The following STK26 variants were observed in gnomAD, a reference collection of about 807,000 sequenced individuals.
The protein encoded by STK26 is serine/threonine kinase 26.
Under a neutral mutation model 34.7 loss-of-function variants are expected in STK26, and 14 were observed. The observed-to-expected ratio is 0.40, with a 90% CI of 0.27 to 0.63. The LOEUF (loss-of-function observed/expected upper bound fraction) is 0.63, where lower values mean the gene tolerates loss of function less well. Ranked by LOEUF, STK26 falls within the 30% of genes least tolerant of loss-of-function variation. STK26 has a pLI of 0.38. For missense variants in STK26, 226 were observed against 309.1 expected (o/e 0.73, Z 2.02); for synonymous variants, 100 against 109.8 (o/e 0.91, Z 0.56).
In STK26 at chrX:132,073,042, G is replaced by A. The variant is rs141969228; in HGVS notation, c.1175G>A (p.Cys392Tyr). The A allele has an allele frequency of 1.5e-4, 176 of 1,207,389 alleles. No homozygotes were observed. In the East Asian group the frequency reaches 4.8e-3, roughly 33 times the overall value. ...EKSIAVAEAA[C>Y]PGITDKMVKK... is the part of the protein sequence containing the mutation. ...AGTATTGCTGTGGCTGAAGCCGCCT[G>A]TCCCGGCATCACAGATAAAATGGTG... Residue 392 changes from cysteine (C) to tyrosine (Y), a missense_variant, in exon 11 of 12, where the codon TGT becomes TAT. By Grantham distance (194) the Cys-to-Tyr change is radical (BLOSUM62 -2). Around this residue, in one of 2 missense-constraint regions of STK26, gnomAD observed 126 missense variants for 132.4 expected, o/e 0.95. Coordinates refer to ENST00000394334, the MANE Select transcript of STK26 (RefSeq NM_016542.4).
At chrX:132,045,135 C>G (rs1926454575) in intron 2 of STK26, among the ~76,000 whole-genome samples, 1 of 109,238 alleles carries the variant, frequency 9.2e-6, no homozygotes, top group African/African-American at 3.3e-5. Context: ...GATGAGAAAT[C>G]AGTCTGGACA....
intron 3 of STK26, among the ~76,000 whole-genome samples, chrX:132,061,387 C>T (rs1466495223): frequency 1.8e-5 from 2 of 111,808 alleles, no homozygotes; most frequent in African/African-American, 3.3e-5. Context: ...TACACAAATA[C>T]AAGTTATATG....
intron 2 of STK26, among the ~76,000 whole-genome samples, chrX:132,032,903 G>A (rs1224559363): frequency 4.5e-5 from 5 of 111,283 alleles, no homozygotes; most frequent in Admixed American, 9.6e-5. Context: ...TTGGCAGGTG[G>A]AGGAAATACT....
At chrX:132,034,588 C>G (rs762186224) in intron 2 of STK26, among the ~76,000 whole-genome samples, 1 of 111,363 alleles carries the variant, frequency 9.0e-6, no homozygotes, top group South Asian at 3.7e-4. Flanking sequence ...GCCACCGCGC[C>G]CGGCCAGGAG....
At chrX:132,069,688 T>C (rs778949392) in intron 7 of STK26, 25 bp downstream of exon 7, 10 of 980,341 alleles carry the variant, frequency 1.0e-5, no homozygotes, top group Middle Eastern at 6.9e-4. Flanking sequence ...CTATTATTAC[T>C]ATTTGTTTTC....
chrX:132,039,358 G>A (rs1441892300), intron 2 of STK26, among the ~76,000 whole-genome samples: 1 of 111,527 alleles, frequency 9.0e-6, no homozygotes, highest in Non-Finnish European at 1.9e-5. Context: ...TTCTTTTCCT[G>A]ATAGGACACT....
chrX:132,073,613 G>A (rs775314224), intron 11 of STK26, among the ~76,000 whole-genome samples: 4 of 111,746 alleles, frequency 3.6e-5, no homozygotes, highest in Non-Finnish European at 5.6e-5. Flanking sequence ...GATTTTGTTC[G>A]CATTCAAAAA....
chrX:132,060,624 C>CT (rs1301669892), intron 3 of STK26, among the ~76,000 whole-genome samples: 54 of 102,287 alleles, frequency 5.3e-4, no homozygotes, highest in Admixed American at 1.7e-3. Flanking sequence ...TTTTGTTTTG[C>CT]TTTTTTTTTG....
rs1244573102 is a variant in STK26, at chrX:132,069,540, C to T, written c.660C>T (p.Ser220=). ...TAGCCAAGGGAGAGCCACCTAACTC[C>T]GATATGCATCCAATGAGAGTTCTGT... The part of the protein sequence containing the change: ...IELAKGEPPN[S]DMHPMRVLFL... Residue 220 remains serine (S), a synonymous_variant, in exon 7 of 12, where the codon TCC becomes TCT. Coordinates refer to ENST00000394334, the MANE Select transcript of STK26 (RefSeq NM_016542.4). 3.4e-6 allele frequency: 4 copies of T among 1,175,888 alleles called. No homozygotes were observed. Among genetic ancestry groups the T allele is most frequent in the East Asian group, 3.1e-5 (1 of 32,291 alleles).
chrX:132,043,408 G>T lies in STK26; in HGVS notation c.43-11223G>T, dbSNP rs1301235778. On this transcript the variant is annotated intron_variant, in intron 2 of 11. Transcript: ENST00000394334. ...TTAAATAATGGCCTGAATAAATTAG[G>T]ATACCTGTTTTATCATTCATGTATT... Among the ~76,000 whole-genome samples the T allele has an allele frequency of 1.3e-4, 14 of 111,300 alleles. No individual in the cohort carries two copies. In the Admixed American group the frequency reaches 1.3e-3, roughly 11 times the overall value.
At chrX:132,029,265 G>A (rs1338815674) in intron 2 of STK26, among the ~76,000 whole-genome samples, 1 of 111,935 alleles carries the variant, frequency 8.9e-6, no homozygotes, top group Non-Finnish European at 1.9e-5. Flanking sequence ...ATTGAACATT[G>A]TGATATTGTA....
intron 3 of STK26, among the ~76,000 whole-genome samples, chrX:132,057,068 A>G (rs970649547): frequency 2.7e-5 from 3 of 112,092 alleles, no homozygotes; most frequent in African/African-American, 9.7e-5. Flanking sequence ...CAGTGGCTCC[A>G]ATGTCTGAGG....
intron 2 of STK26, among the ~76,000 whole-genome samples, chrX:132,053,427 A>T (rs1259240563): frequency 8.9e-6 from 1 of 112,005 alleles, no homozygotes; most frequent in African/African-American, 3.2e-5. Flanking sequence ...GGTTTACTGG[A>T]GTAGTAGTGT....
At chrX:132,042,813 A>G (rs1362042163) in intron 2 of STK26, among the ~76,000 whole-genome samples, 2 of 111,374 alleles carry the variant, frequency 1.8e-5, no homozygotes, top group Non-Finnish European at 3.8e-5. Context: ...CATCAGTATC[A>G]TTTTCTTTTG....
In STK26 at chrX:132,069,410, CATATATATATATATATATATAT is replaced by C. The variant is rs57609807; in HGVS notation, c.598-47_598-26del. On this transcript the variant is annotated intron_variant, in intron 6 of 11. Transcript: ENST00000394334. ...TTTCAAGGTGATATACATACATACA[CATATATATATATATATATATAT>C]ATATATATATATATATATATTATTT... 580 of 93,477 alleles carry C rather than the reference CATATATATATATATATATATAT, an allele frequency of 6.2e-3. 40 individuals carry two copies. Among genetic ancestry groups the C allele is most frequent in the African/African-American group, 0.019 (289 of 15,511 alleles). 7.7% of individuals were successfully genotyped at this position (93,477 alleles called of 1,213,427 possible).
chrX:132,035,617 T>C (rs1357808071), intron 2 of STK26, among the ~76,000 whole-genome samples: 1 of 109,875 alleles, frequency 9.1e-6, no homozygotes, highest in Non-Finnish European at 1.9e-5. Context: ...TCATTAATGC[T>C]TTTATCTTCA....
At chrX:132,042,529 T>C (rs1203299263) in intron 2 of STK26, among the ~76,000 whole-genome samples, 3 of 111,375 alleles carry the variant, frequency 2.7e-5, no homozygotes, top group African/African-American at 9.8e-5. Context: ...CACACACACA[T>C]ACTTACCATT....
chrX:132,041,449 A>G (rs1297294644), intron 2 of STK26, among the ~76,000 whole-genome samples: 1 of 111,967 alleles, frequency 8.9e-6, no homozygotes, highest in Non-Finnish European at 1.9e-5. Flanking sequence ...GGGTTGTAAA[A>G]TGATAGGGTA....
intron 7 of STK26, among the ~76,000 whole-genome samples, chrX:132,070,036 G>T (rs2124193479): frequency 9.1e-6 from 1 of 110,118 alleles, no homozygotes; most frequent in East Asian, 2.9e-4. Flanking sequence ...TTATATTTGG[G>T]TTTAACTATT....
Sources: gnomAD v4.1 joint callset for allele counts (sites outside exome capture counted in the v4.1 genomes callset) on GRCh38, gnomAD v4.1.1 for gene constraint, gnomAD v4.1.1 regional missense constraint, MANE v1.5 for transcripts, NCBI Gene and HGNC (gene_info 2026-07-23, HGNC 2026-07-21) for gene names.